The following DTWD2 variants were observed in gnomAD, a reference collection of about 807,000 sequenced individuals.
DTWD2 encodes the protein DTW motif tRNA-uridine aminocarboxypropyltransferase 2.
In DTWD2, 39 loss-of-function variants were observed where a neutral mutation model predicts 31.8. The ratio of observed to expected loss-of-function variants is 1.22; its 90% CI spans 0.95 to 1.60. The LOEUF is 1.60. DTWD2 is among the 40% of genes most tolerant of loss of function. The pLI, the probability that DTWD2 is intolerant of heterozygous loss-of-function variation, is 0.00. For synonymous variants in DTWD2, 180 were observed against 142.8 expected (o/e 1.26, Z -1.86); for missense variants, 515 against 381.5 (o/e 1.35, Z -2.92).
chr5:118,909,155 A>G (rs1753402509), intron 4 of DTWD2, among the ~76,000 whole-genome samples: 1 of 152,234 alleles, frequency 6.6e-6, no homozygotes, highest in Non-Finnish European at 1.5e-5. Flanking sequence ...AGACCCGCAT[A>G]GCTGAGTCAC....
In DTWD2 at chr5:118,948,291, C is replaced by T. The variant is rs558630781; in HGVS notation, c.219-3642G>A. Among the ~76,000 whole-genome samples the T allele has an allele frequency of 3.4e-3, 518 of 151,638 alleles. 4 individuals are homozygous for T. The highest frequency in any genetic ancestry group is 0.012 in the African/African-American group (507 of 41,322). ...GAGTTAGGGACCTTCCTGGCTAACA[C>T]GGTGAAACCCCGTCTCTACTAAAAA... On this transcript the variant is annotated intron_variant, in intron 1 of 5. Coordinates refer to ENST00000510708, the MANE Select transcript of DTWD2 (RefSeq NM_173666.4).
chr5:118,860,214 ATG>A (rs1467863245), intron 4 of DTWD2, among the ~76,000 whole-genome samples: 7 of 149,546 alleles, frequency 4.7e-5, no homozygotes, highest in Non-Finnish European at 8.9e-5. Flanking sequence ...TGTTTATAAT[ATG>A]TATTGTATTT....
chr5:118,946,688 A>C (rs1754346415), intron 1 of DTWD2, among the ~76,000 whole-genome samples: 1 of 152,128 alleles, frequency 6.6e-6, no homozygotes, highest in African/African-American at 2.4e-5. Flanking sequence ...AAATCTATTC[A>C]AATTTTGACT....
intron 1 of DTWD2, among the ~76,000 whole-genome samples, chr5:118,965,345 G>T (rs1754814108): frequency 6.6e-6 from 1 of 151,368 alleles, no homozygotes; most frequent in African/African-American, 2.4e-5. Context: ...CGTCCGGGAG[G>T]TGAGGGGCGC....
Position 118,839,464 on chromosome 5 carries a change from C to T in DTWD2, c.*1453G>A, listed in dbSNP as rs1380947120. The T allele has an allele frequency of 6.6e-6, 1 of 152,098 alleles. No individual in the cohort carries two copies. The highest frequency in any genetic ancestry group is 1.5e-5 in the Non-Finnish European group (1 of 68,050). The allele number at this position is 152,098 out of a possible 1,614,324, so 9.4% of individuals were successfully genotyped here. Reference sequence around the variant, plus strand: ...TGATGTCCTGGGCTCCAGCGATCCTCCCACCTTAGCCTCCCAAGTAGCTAG... The same window carrying T: ...TGATGTCCTGGGCTCCAGCGATCCTTCCACCTTAGCCTCCCAAGTAGCTAG... On this transcript the variant is annotated 3_prime_UTR_variant, in exon 6 of 6. Transcript: ENST00000510708.
intron 4 of DTWD2, among the ~76,000 whole-genome samples, chr5:118,881,435 ATTTC>A (rs1449881469): frequency 6.6e-6 from 1 of 152,214 alleles, no homozygotes; most frequent in Non-Finnish European, 1.5e-5. Flanking sequence ...TGAAAGTATT[ATTTC>A]TTTCTAATAG....
chr5:118,917,778 A>G (rs780529810), intron 4 of DTWD2, among the ~76,000 whole-genome samples: 5 of 152,112 alleles, frequency 3.3e-5, no homozygotes, highest in African/African-American at 4.8e-5. Flanking sequence ...TCGAGACCAG[A>G]GTGACAAACA....
At chr5:118,973,603 G>A (rs557773861) in intron 1 of DTWD2, among the ~76,000 whole-genome samples, 7 of 151,330 alleles carry the variant, frequency 4.6e-5, no homozygotes, top group East Asian at 2.0e-4. Context: ...ATTGTTCCTC[G>A]TCCGCCTCCT....
chr5:118,918,180 C>G (rs1580805515), intron 4 of DTWD2, among the ~76,000 whole-genome samples: 1 of 152,108 alleles, frequency 6.6e-6, no homozygotes, highest in Non-Finnish European at 1.5e-5. Context: ...AAGTCAGAAG[C>G]CTAAATCCCT....
chr5:118,903,446 T>C (rs1463410317), intron 4 of DTWD2, among the ~76,000 whole-genome samples: 2 of 152,060 alleles, frequency 1.3e-5, no homozygotes, highest in East Asian at 3.8e-4. Context: ...ATATCAAAAC[T>C]ATAATCTAGT....
intron 4 of DTWD2, among the ~76,000 whole-genome samples, chr5:118,920,570 G>A (rs1322683276): frequency 6.6e-6 from 1 of 151,438 alleles, no homozygotes; most frequent in African/African-American, 2.4e-5. Context: ...TTTTTATTAG[G>A]CATTTTTAAA....
intron 2 of DTWD2, among the ~76,000 whole-genome samples, chr5:118,941,447 G>A (rs572118535): frequency 1.3e-5 from 2 of 152,232 alleles, no homozygotes; most frequent in Admixed American, 1.3e-4. Flanking sequence ...TTGTCCTTGT[G>A]ATATAGTTTG....
intron 4 of DTWD2, among the ~76,000 whole-genome samples, chr5:118,859,954 C>T (rs776673665): frequency 5.3e-5 from 8 of 151,740 alleles, no homozygotes; most frequent in African/African-American, 1.2e-4. Flanking sequence ...CCTATCTCTA[C>T]AAAAAACACA....
intron 3 of DTWD2, among the ~76,000 whole-genome samples, chr5:118,937,391 A>G (rs766578879): frequency 0.021 from 3,241 of 152,194 alleles, 53 homozygotes; most frequent in Non-Finnish European, 0.031. Flanking sequence ...TGCAAAAAAA[A>G]AAAAAAAACC....
chr5:118,926,186 A>G (rs1753804479), intron 4 of DTWD2, among the ~76,000 whole-genome samples: 1 of 152,202 alleles, frequency 6.6e-6, no homozygotes, highest in Non-Finnish European at 1.5e-5. Context: ...AAGAAAATGT[A>G]GTATATATAT....
At chr5:118,961,814 A>C (rs1257005185) in intron 1 of DTWD2, among the ~76,000 whole-genome samples, 1 of 152,202 alleles carries the variant, frequency 6.6e-6, no homozygotes, top group African/African-American at 2.4e-5. Flanking sequence ...CCATTTTCTC[A>C]AAAAAGCACA....
chr5:118,977,216 C>G (rs900011615), intron 1 of DTWD2, among the ~76,000 whole-genome samples: 1 of 152,096 alleles, frequency 6.6e-6, no homozygotes, highest in Non-Finnish European at 1.5e-5. Context: ...TATGACAAAC[C>G]CACAACCAAT....
At chr5:118,865,103 C>A (rs751457707) in intron 4 of DTWD2, among the ~76,000 whole-genome samples, 1 of 152,102 alleles carries the variant, frequency 6.6e-6, no homozygotes, top group East Asian at 1.9e-4. Flanking sequence ...CATAACCTTA[C>A]GTATGATACA....
chr5:118,867,797 C>T lies in DTWD2; in HGVS notation c.598-19579G>A, dbSNP rs1291991060. On this transcript the variant is annotated intron_variant, in intron 4 of 5. Transcript: ENST00000510708. The stretch of plus-strand genomic sequence containing the variant: ...GACACCAATAAATGGAAAAATACCC[C>T]ATGTTCATGGGTTAAAAGACTTAAT... Among the ~76,000 whole-genome samples the T allele has an allele frequency of 2.0e-5, 3 of 152,230 alleles. No homozygotes were observed. The East Asian group carries it at 5.8e-4, about 29-fold the overall frequency.
Sources: allele counts gnomAD v4.1 joint callset (sites outside exome capture counted in the v4.1 genomes callset), GRCh38; gene constraint gnomAD v4.1.1; transcripts MANE v1.5; gene names NCBI Gene and HGNC (gene_info 2026-07-23, HGNC 2026-07-21).